PELI2: variants seen among roughly 807,000 people sequenced by gnomAD.
The protein encoded by PELI2 is pellino E3 ubiquitin protein ligase family member 2.
PELI2 carries 23 observed loss-of-function variants against 42.3 expected under a neutral mutation model. The ratio of observed to expected loss-of-function variants is 0.54; its 90% CI spans 0.39 to 0.77. The LOEUF (loss-of-function observed/expected upper bound fraction) is 0.77, where lower values mean the gene tolerates loss of function less well. Among genes scored for constraint, PELI2 ranks in the 30% least tolerant of loss-of-function variants. The pLI, the probability that PELI2 is intolerant of heterozygous loss-of-function variation, is 0.00. For missense variants in PELI2, 463 were observed against 553.2 expected (o/e 0.84, Z 1.64); for synonymous variants, 245 against 212.2 (o/e 1.15, Z -1.34).
chr14:56,137,993 G>A (rs1053381608), intron 1 of PELI2, among the ~76,000 whole-genome samples: 4 of 152,212 alleles, frequency 2.6e-5, no homozygotes, highest in Non-Finnish European at 4.4e-5. Context: ...GGGCTGTCTT[G>A]TGGCTGCTGT....
chr14:56,221,033 C>T (rs1162836725), intron 2 of PELI2, among the ~76,000 whole-genome samples: 2 of 152,174 alleles, frequency 1.3e-5, no homozygotes, highest in African/African-American at 4.8e-5. Flanking sequence ...GTGCCATGGA[C>T]AGCTGTAACA....
chr14:56,184,358 C>T (rs1347088026), intron 2 of PELI2, among the ~76,000 whole-genome samples: 1 of 151,908 alleles, frequency 6.6e-6, no homozygotes, highest in African/African-American at 2.4e-5. Flanking sequence ...ATTAGAGGAA[C>T]AAACAAATTT....
At position 56,300,386 on chromosome 14, in the gene PELI2, A is replaced by G. The variant is rs1890138670; in HGVS notation, c.*3220A>G. On this transcript the variant is annotated 3_prime_UTR_variant, in exon 6 of 6. Coordinates refer to ENST00000267460, the MANE Select transcript of PELI2 (RefSeq NM_021255.3). The stretch of plus-strand genomic sequence containing the variant: ...ACCAATAGGGAAATTATTTTAAGTT[A>G]TTACATTTACTGTATTGGGAAACTT... 6.6e-6 allele frequency: 1 copy of G among 152,346 alleles called. No homozygotes were observed. Among genetic ancestry groups the G allele is most frequent in the Non-Finnish European group, 1.5e-5 (1 of 67,992 alleles). 9.4% of individuals were successfully genotyped at this position (152,346 alleles called of 1,614,324 possible). A position where few individuals can be genotyped will look rare whatever the true frequency, so the allele number is the denominator to read the frequency against.
Position 56,184,905 on chromosome 14 carries a change from C to A in PELI2, c.207+6441C>A, listed in dbSNP as rs189465205. Among the ~76,000 whole-genome samples, 60 of 152,136 alleles carry A rather than the reference C, an allele frequency of 3.9e-4. No homozygotes were observed. The East Asian group carries it at 9.8e-3, about 25-fold the overall frequency. ...AAAAGATCATACCAGTAATTTGTAA[C>A]AATTAACAGATGACTTGGAAATGAG... On this transcript the variant is annotated intron_variant, in intron 2 of 5. Transcript: ENST00000267460.
At chr14:56,242,608 C>T (rs1453076081) in intron 2 of PELI2, among the ~76,000 whole-genome samples, 1 of 152,158 alleles carries the variant, frequency 6.6e-6, no homozygotes, top group African/African-American at 2.4e-5. Context: ...CCTAAATGTC[C>T]ATCAGTCAGT....
intron 1 of PELI2, among the ~76,000 whole-genome samples, chr14:56,153,481 A>T (rs1044341678): frequency 6.6e-6 from 1 of 152,204 alleles, no homozygotes; most frequent in Non-Finnish European, 1.5e-5. Context: ...TGACAACTCT[A>T]TTCTTTTAGG....
chr14:56,178,555 C>T, intron 2 of PELI2, 91 bp downstream of exon 2: 2 of 1,392,904 alleles, frequency 1.4e-6, no homozygotes, highest in Non-Finnish European at 2.0e-6. Context: ...TTCGTCTTTT[C>T]ATGTAGGACA....
intron 1 of PELI2, among the ~76,000 whole-genome samples, chr14:56,169,620 C>A (rs1176716711): frequency 6.6e-6 from 1 of 152,186 alleles, no homozygotes; most frequent in Non-Finnish European, 1.5e-5. Flanking sequence ...TCTAGAGCCT[C>A]TTTCAGTGAT....
rs1225472364 is a variant in PELI2 at position 56,290,532 on chromosome 14, C to G, written c.696+76C>G. On this transcript the variant is annotated intron_variant, in intron 5 of 5. Coordinates refer to ENST00000267460, the MANE Select transcript of PELI2 (RefSeq NM_021255.3). ...ACTCGAAGGCTATCATTTTCCTCCC[C>G]TGATGTTCAGAACCTTTGTGCAGGT... is the stretch of plus-strand genomic sequence containing the variant. 2.1e-5 allele frequency: 24 copies of G among 1,145,594 alleles called. 1 individual carries two copies. The highest frequency in any genetic ancestry group is 2.7e-5 in the Non-Finnish European group (22 of 810,870). 71.0% of individuals were successfully genotyped at this position (1,145,594 alleles called of 1,614,324 possible).
intron 2 of PELI2, among the ~76,000 whole-genome samples, chr14:56,234,008 C>T (rs1887688388): frequency 6.6e-6 from 1 of 152,210 alleles, no homozygotes; most frequent in Admixed American, 6.5e-5. Context: ...AAATGCTCAT[C>T]ATCACTGGCC....
chr14:56,291,617 C>T (rs189813632), intron 5 of PELI2, among the ~76,000 whole-genome samples: 159 of 152,244 alleles, frequency 1.0e-3, no homozygotes, highest in African/African-American at 3.4e-3. Context: ...TCTTTTGTTT[C>T]TGATCACTGG....
chr14:56,259,754 C>G (rs1888650184), intron 2 of PELI2, among the ~76,000 whole-genome samples: 1 of 152,034 alleles, frequency 6.6e-6, no homozygotes, highest in South Asian at 2.1e-4. Flanking sequence ...AAACGAGAAG[C>G]TATTCACACT....
chr14:56,124,325 A>G (rs1441480004), intron 1 of PELI2, among the ~76,000 whole-genome samples: 1 of 152,172 alleles, frequency 6.6e-6, no homozygotes, highest in Non-Finnish European at 1.5e-5. Context: ...CATGTTAATA[A>G]TGTCATTTTT....
At chr14:56,243,349 C>T (rs1411367862) in intron 2 of PELI2, among the ~76,000 whole-genome samples, 2 of 152,138 alleles carry the variant, frequency 1.3e-5, no homozygotes, top group Non-Finnish European at 2.9e-5. Context: ...GACGTTATTG[C>T]AGTGAGGCCC....
intron 2 of PELI2, among the ~76,000 whole-genome samples, chr14:56,267,769 T>C (rs1413708421): frequency 6.6e-6 from 1 of 152,154 alleles, no homozygotes; most frequent in African/African-American, 2.4e-5. Context: ...GAGGGAAAAA[T>C]TGGAATCTTC....
At chr14:56,131,531 C>T (rs1180049103) in intron 1 of PELI2, among the ~76,000 whole-genome samples, 1 of 152,220 alleles carries the variant, frequency 6.6e-6, no homozygotes, top group Admixed American at 6.5e-5. Context: ...GGAAGTAATT[C>T]AATCAGCAGG....
At chr14:56,172,694 C>T (rs768414715) in intron 1 of PELI2, among the ~76,000 whole-genome samples, 42 of 152,146 alleles carry the variant, frequency 2.8e-4, no homozygotes, top group Non-Finnish European at 4.7e-4. Context: ...TTTCAAGATT[C>T]TTGGCTTTGT....
At chr14:56,259,181 A>G (rs1888629464) in intron 2 of PELI2, among the ~76,000 whole-genome samples, 1 of 152,134 alleles carries the variant, frequency 6.6e-6, no homozygotes, top group African/African-American at 2.4e-5. Context: ...CAAAAGCTAA[A>G]AACAGTTATC....
rs1009982706 is a variant in PELI2, at chr14:56,185,907, G to A, written c.207+7443G>A. On this transcript the variant is annotated intron_variant, in intron 2 of 5. Transcript: ENST00000267460. ...TTTCCTGCATGTATTATGTGGTTGGGAGAATAATTTCTGTCCCCATTCTCC... is the reference window on the plus strand; with the variant it reads ...TTTCCTGCATGTATTATGTGGTTGGAAGAATAATTTCTGTCCCCATTCTCC... 3.3e-5 allele frequency among the ~76,000 whole-genome samples: 5 copies of A among 152,222 alleles called. No individual in the cohort carries two copies. In the South Asian group the frequency reaches 6.2e-4, roughly 19 times the overall value.
Sources: gnomAD v4.1 joint callset for allele counts (sites outside exome capture counted in the v4.1 genomes callset) on GRCh38, gnomAD v4.1.1 for gene constraint, MANE v1.5 for transcripts, NCBI Gene and HGNC (gene_info 2026-07-23, HGNC 2026-07-21) for gene names.